Variants in MYO18A observed in about 807,000 individuals in gnomAD.
MYO18A encodes myosin XVIIIA, also known as unconventional myosin-XVIIIa.
A neutral mutation model predicts 235.8 loss-of-function variants in MYO18A; 78 were observed. The observed-to-expected ratio is 0.33, with a 90% CI of 0.28 to 0.40. MYO18A has a LOEUF of 0.40. Ranked by LOEUF, MYO18A falls within the 10% of genes least tolerant of loss-of-function variation. The probability of loss-of-function intolerance (pLI) is 1.00; values close to 1 mark genes in which losing one functional copy is unlikely to be tolerated. For missense variants in MYO18A, 2,215 were observed against 2,699.3 expected (o/e 0.82, Z 3.98); for synonymous variants, 977 against 1,077.8 (o/e 0.91, Z 1.83).
In MYO18A at chr17:29,164,190, C is replaced by T. The variant is rs146222588; in HGVS notation, c.999+1752G>A. On this transcript the variant is annotated intron_variant, in intron 2 of 41. Coordinates refer to ENST00000527372, the MANE Select transcript of MYO18A (RefSeq NM_078471.4). Reference sequence around the variant, plus strand: ...CAGGCGTGAGCCACCACCACCCAGCCCAGTCTTTGCTTCTGACATAAAGAC... The same window carrying T: ...CAGGCGTGAGCCACCACCACCCAGCTCAGTCTTTGCTTCTGACATAAAGAC... 4.2e-3 allele frequency among the ~76,000 whole-genome samples: 642 copies of T among 152,324 alleles called. 3 individuals are homozygous for T. Among genetic ancestry groups the T allele is most frequent in the African/African-American group, 0.015 (603 of 41,574 alleles).
rs147861370 is a variant in MYO18A, at chr17:29,098,385, G to A, written c.3841C>T (p.Arg1281Trp). 11 of 1,613,866 alleles carry A rather than the reference G, an allele frequency of 6.8e-6. No individual in the cohort carries two copies. Among genetic ancestry groups the A allele is most frequent in the Admixed American group, 5.0e-5 (3 of 60,020 alleles). The change falls in exon 24 of 42, where the codon CGG becomes TGG. Residue 1281 changes from arginine to tryptophan, a missense_variant. By Grantham distance (101) the Arg-to-Trp change is moderately radical. Transcript: ENST00000527372. Reference sequence around the variant, plus strand: ...CTCTCCAGCCGGTCACTGTTGAGCCGCAGCTCGTTCCTCTCCTTCTCCGCC... The same window carrying A: ...CTCTCCAGCCGGTCACTGTTGAGCCACAGCTCGTTCCTCTCCTTCTCCGCC... Reference protein sequence around the residue: ...EKAEKERNELRLNSDRLESRI... With the variant: ...EKAEKERNELWLNSDRLESRI...
chr17:29,092,489 A>T (rs1215254920), intron 33 of MYO18A, 33 bp from the exon 34 acceptor site: 2 of 1,554,008 alleles, frequency 1.3e-6, no homozygotes, highest in Non-Finnish European at 1.8e-6. Context: ...CCAGGGAGAG[A>T]TGTCAGCCAT....
In MYO18A at chr17:29,114,917, C is replaced by A. The variant is rs775833974; in HGVS notation, c.2501G>T (p.Arg834Ile). ...AGGCCCCAGAGCTACCTCCTTGTAT[C>A]TTTCCAACTCCTGCACGAAGGTGCG... Reference protein sequence around the residue: ...HERTFVQELERYKEENIELAF... With the variant: ...HERTFVQELEIYKEENIELAF... Residue 834 changes from arginine (R) to isoleucine (I), a missense_variant, in exon 14 of 42, where the codon AGA becomes ATA. Physicochemically the swap from Arg to Ile is moderately conservative, Grantham distance 97 (BLOSUM62 -3). Transcript: ENST00000527372. The A allele has an allele frequency of 6.2e-7, 1 of 1,613,512 alleles. No homozygotes were observed. The highest frequency in any genetic ancestry group is 8.5e-7 in the Non-Finnish European group (1 of 1,179,602).
At chr17:29,086,049 CA>C (rs1445446726) in intron 39 of MYO18A, among the ~76,000 whole-genome samples, 1 of 152,246 alleles carries the variant, frequency 6.6e-6, no homozygotes, top group African/African-American at 2.4e-5. Flanking sequence ...TCTTTCTCTC[CA>C]AACCATTCCC....
At position 29,113,962 on chromosome 17, in the gene MYO18A, G is replaced by A. The variant is rs74690489; in HGVS notation, c.2598+49C>T. ...GGAGGGCTCCACCACGGGGAGAGGG[G>A]TGGGGAACGAGAGGAAAGGCTTGCC... is the stretch of plus-strand genomic sequence containing the variant. On this transcript the variant is annotated intron_variant, in intron 15 of 41. Transcript: ENST00000527372. 2,803 of 1,441,126 alleles carry A rather than the reference G, an allele frequency of 1.9e-3. 47 individuals are homozygous for A. The African/African-American group carries it at 0.035, about 18-fold the overall frequency. 89.3% of individuals were successfully genotyped at this position (1,441,126 alleles called of 1,614,324 possible).
In MYO18A at chr17:29,115,742, G is replaced by T. The variant is rs1400731031; in HGVS notation, c.2149C>A (p.Gln717Lys). The change falls in exon 12 of 42, where the codon CAG becomes AAG. Residue 717 changes from glutamine (Q) to lysine (K), a missense_variant. Transcript: ENST00000527372. ...EELSSAIFKH[Q>K]HKGGTLQRST... Reference sequence around the variant, plus strand: ...CGCTGCAGGGTGCCACCCTTGTGCTGGTGCTTGAAGATGGCTGAGGACAGC... The same window carrying T: ...CGCTGCAGGGTGCCACCCTTGTGCTTGTGCTTGAAGATGGCTGAGGACAGC... 27 of 1,601,286 alleles carry T rather than the reference G, an allele frequency of 1.7e-5. No homozygotes were observed. Among genetic ancestry groups the T allele is most frequent in the Non-Finnish European group, 2.2e-5 (26 of 1,174,090 alleles).
In MYO18A at chr17:29,092,334, GC is replaced by G; in HGVS notation, c.5187+8del. 1 of 1,604,504 alleles carries G rather than the reference GC, an allele frequency of 6.2e-7. No homozygotes were observed. On this transcript the variant is annotated splice_region_variant and intron_variant, in intron 34 of 41. Coordinates refer to ENST00000527372, the MANE Select transcript of MYO18A (RefSeq NM_078471.4). Reference sequence around the variant, plus strand: ...CCCGAGCTCTGCCCCGGGCACCTTGGCCCCTCACCGCTGTCTTGGCTTTGGC... The same window carrying G: ...CCCGAGCTCTGCCCCGGGCACCTTGGCCCTCACCGCTGTCTTGGCTTTGGC...
At chr17:29,079,730 A>G (rs2152713178) in intron 41 of MYO18A, 1 of 986,012 alleles carries the variant, frequency 1.0e-6, no homozygotes. Flanking sequence ...CACCTACTGC[A>G]CTAGTCGCTC....
chr17:29,098,816 T>TCTCA lies in MYO18A; in HGVS notation c.3780+9_3780+10insTGAG. The TCTCA allele has an allele frequency of 6.2e-7, 1 of 1,613,920 alleles. No individual in the cohort carries two copies. Among genetic ancestry groups the TCTCA allele is most frequent in the Non-Finnish European group, 8.5e-7 (1 of 1,179,824 alleles). ...ACCCAGAGACTTGGCCCTCTCAGGC[T>TCTCA]GTCACATACGTCTTTGTTCCGGATC... On this transcript the variant is annotated intron_variant, in intron 23 of 41. Transcript: ENST00000527372.
chr17:29,080,042 A>G, intron 41 of MYO18A: 1 of 985,900 alleles, frequency 1.0e-6, no homozygotes, highest in Non-Finnish European at 1.2e-6. Context: ...CTGGAGCTGG[A>G]GCTGCTCCTT....
chr17:29,173,185 C>T lies in MYO18A; in HGVS notation c.-81-6164G>A, dbSNP rs151037701. 9.3e-3 allele frequency among the ~76,000 whole-genome samples: 1,410 copies of T among 151,992 alleles called. 29 individuals are homozygous for T. The highest frequency in any genetic ancestry group is 0.032 in the African/African-American group (1,305 of 41,408). On this transcript the variant is annotated intron_variant, in intron 1 of 41. Transcript: ENST00000527372. ...TTTCAGCTCACTGCAATCCGCCTCC[C>T]GGGTTCAAGCAATTCTCCTGCCTCA...
rs1352493462 is a variant in MYO18A at position 29,092,918 on chromosome 17, G to A, written c.5010C>T (p.Leu1670=). The A allele has an allele frequency of 5.0e-6, 8 of 1,613,818 alleles. No individual in the cohort carries two copies. The highest frequency in any genetic ancestry group is 1.3e-5 in the African/African-American group (1 of 74,944). Residue 1670 remains leucine, a synonymous_variant, in exon 33 of 42, where the codon CTC becomes CTT. Transcript: ENST00000527372. ...CACTGTTCTTCAGGTGGTCCAGCAT[G>A]AGCTGGGCATCTGCCAGCAGGGCCT... is the stretch of plus-strand genomic sequence containing the variant. The part of the protein sequence containing the change: ...RTKALLADAQ[L]MLDHLKNSAP...
At chr17:29,078,540 G>A (rs559037926) in intron 41 of MYO18A, 14 of 152,398 alleles carry the variant, frequency 9.2e-5, no homozygotes, top group Non-Finnish European at 1.9e-4. Flanking sequence ...ACAAGCATGC[G>A]ACAGGTGTGT....
rs1179043575 is a variant in MYO18A, at chr17:29,166,629, A to G, written c.312T>C (p.Asp104=). Residue 104 remains aspartate, a synonymous_variant, in exon 2 of 42, where the codon GAT becomes GAC. Transcript: ENST00000527372. ...AGCTACCCTCCTCACCCTTGAGGTC[A>G]TCGCTGGAGCTGGCTGTACTTAGGT... is the stretch of plus-strand genomic sequence containing the variant. The part of the protein sequence containing the change: ...SGHLSTASSS[D]DLKGEEGSFR... The G allele has an allele frequency of 2.5e-6, 4 of 1,613,840 alleles. No individual in the cohort carries two copies. Among genetic ancestry groups the G allele is most frequent in the Non-Finnish European group, 3.4e-6 (4 of 1,179,862 alleles).
chr17:29,092,552 T>C (rs985267973), intron 33 of MYO18A, 96 bp from the exon 34 acceptor site: 1 of 1,011,392 alleles, frequency 9.9e-7, no homozygotes. Flanking sequence ...ATGCCCTCCT[T>C]CTCCTCCTCC....
Position 29,109,270 on chromosome 17 carries a change from AG to A in MYO18A, c.3331+587del, listed in dbSNP as rs1276268156. Among the ~76,000 whole-genome samples, 2 of 152,168 alleles carry A rather than the reference AG, an allele frequency of 1.3e-5. No homozygotes were observed. The highest frequency in any genetic ancestry group is 2.9e-5 in the Non-Finnish European group (2 of 68,026). ...CTCAGGAGCTGTGTGACCTTGGGCA[AG>A]CTACTTAACCTCTCTGAGCCTCAGT... is the stretch of plus-strand genomic sequence containing the variant. On this transcript the variant is annotated intron_variant, in intron 19 of 41. Transcript: ENST00000527372. This position sits in a 1 kb window ranked among gnomAD's most constrained non-coding sequence, Gnocchi z 4.1.
chr17:29,124,529 G>T, intron 2 of MYO18A: 1 of 644,634 alleles, frequency 1.6e-6, no homozygotes, highest in Non-Finnish European at 2.1e-6. Flanking sequence ...GAGCCTGGAG[G>T]GGAAAGAGGC....
intron 35 of MYO18A, 28 bp downstream of exon 35, chr17:29,090,782 G>A: frequency 6.3e-7 from 1 of 1,592,294 alleles, no homozygotes; most frequent in Admixed American, 1.7e-5. Flanking sequence ...ACGGTGCAGA[G>A]TGTGACGGGC....
At chr17:29,129,661 C>A (rs1475665271) in intron 2 of MYO18A, among the ~76,000 whole-genome samples, 1 of 152,216 alleles carries the variant, frequency 6.6e-6, no homozygotes, top group African/African-American at 2.4e-5. Flanking sequence ...GGGCACTGGG[C>A]TCCGTGAAGG....
Sources: gnomAD v4.1 joint callset for allele counts (sites outside exome capture counted in the v4.1 genomes callset) on GRCh38, gnomAD v4.1.1 for gene constraint, Gnocchi (gnomAD v3.1) non-coding constraint, MANE v1.5 for transcripts, NCBI Gene and HGNC (gene_info 2026-07-23, HGNC 2026-07-21) for gene names.